Variants in ACACA observed in about 807,000 individuals in gnomAD.
The protein encoded by ACACA is acetyl-CoA carboxylase alpha.
A neutral mutation model predicts 296.1 loss-of-function variants in ACACA; 103 were observed. The observed-to-expected ratio is 0.35, with a 90% confidence interval of 0.30 to 0.41. The LOEUF (loss-of-function observed/expected upper bound fraction) is 0.41. Among genes scored for constraint, ACACA ranks in the 10% least tolerant of loss-of-function variants. The pLI is 1.00. For synonymous variants in ACACA, 953 were observed against 1,038.6 expected, an observed-to-expected ratio of 0.92 and a Z score of 1.58; for missense variants, 1,554 against 2,989.7, an observed-to-expected ratio of 0.52 and a Z score of 11.20.
At position 37,284,964 on chromosome 17, in the gene ACACA, G is replaced by A; in HGVS notation, c.345C>T (p.Ser115=). Residue 115 remains serine, a synonymous_variant, in exon 4 of 56, where the codon AGC becomes AGT. Transcript: ENST00000616317. The stretch of plus-strand genomic sequence containing the variant: ...GCTTTACTAGGTGCAAGCCAGACAT[G>A]CTGGACCTATAAAAATACAGAAGCC... ...QDGLALHIRS[S]MSGLHLVKQG... 1 of 1,614,068 alleles carries A rather than the reference G, an allele frequency of 6.2e-7. No individual in the cohort carries two copies. The highest frequency in any genetic ancestry group is 2.2e-5 in the East Asian group (1 of 44,872).
intron 14 of ACACA, among the ~76,000 whole-genome samples, chr17:37,257,238 T>A (rs1391135117): frequency 6.6e-6 from 1 of 152,168 alleles, no homozygotes; most frequent in Non-Finnish European, 1.5e-5. Context: ...TTTAAATAAC[T>A]ATAAGAGTAC....
intron 52 of ACACA, among the ~76,000 whole-genome samples, chr17:37,100,126 G>A (rs528686044): frequency 2.0e-5 from 3 of 152,212 alleles, no homozygotes; most frequent in Non-Finnish European, 2.9e-5. Context: ...TAAGTGTAGC[G>A]GAAATGATGG....
chr17:37,221,111 G>A (rs1345271774), intron 29 of ACACA, among the ~76,000 whole-genome samples: 1 of 151,978 alleles, frequency 6.6e-6, no homozygotes, highest in African/African-American at 2.4e-5. Context: ...AAGCAATTCT[G>A]AAACAAAAAC....
At chr17:37,300,522 G>T (rs1326105261) in intron 3 of ACACA, among the ~76,000 whole-genome samples, 4 of 152,152 alleles carry the variant, frequency 2.6e-5, no homozygotes, top group Non-Finnish European at 1.5e-5. Context: ...ATGCTGGATA[G>T]AAATAGTTAA....
intron 45 of ACACA, among the ~76,000 whole-genome samples, chr17:37,135,852 C>T (rs987331008): frequency 6.6e-6 from 1 of 152,118 alleles, no homozygotes; most frequent in East Asian, 1.9e-4. Context: ...GGGGGACCCA[C>T]CAACTGCTCA....
At chr17:37,264,144 A>T (rs1014412926) in intron 10 of ACACA, among the ~76,000 whole-genome samples, 5 of 152,220 alleles carry the variant, frequency 3.3e-5, no homozygotes, top group Non-Finnish European at 7.3e-5. Flanking sequence ...GTGCATCACA[A>T]AGGTAAACAA....
At chr17:37,264,548 A>G (rs538149060) in intron 10 of ACACA, among the ~76,000 whole-genome samples, 2 of 152,222 alleles carry the variant, frequency 1.3e-5, no homozygotes, top group African/African-American at 4.8e-5. Flanking sequence ...TTACTCTGAT[A>G]AGCATAGATG....
intron 54 of ACACA, among the ~76,000 whole-genome samples, chr17:37,093,098 G>C (rs1267326037): frequency 6.6e-6 from 1 of 152,162 alleles, no homozygotes; most frequent in Non-Finnish European, 1.5e-5. Flanking sequence ...GCCTGGCCCT[G>C]TGTGAGAAGT....
At chr17:37,390,203 ATAATTATATATT>A (rs2050751054) in intron 1 of ACACA, among the ~76,000 whole-genome samples, 1 of 83,968 alleles carries the variant, frequency 1.2e-5, no homozygotes, top group East Asian at 3.1e-4. Context: ...ATAAATATAT[ATAATTATATATT>A]TATTATATAT....
intron 3 of ACACA, among the ~76,000 whole-genome samples, chr17:37,324,472 C>G (rs2047501692): frequency 6.6e-6 from 1 of 151,412 alleles, no homozygotes; most frequent in African/African-American, 2.4e-5. Flanking sequence ...GAGTTTGAGA[C>G]CAGCCTGACC....
At chr17:37,164,903 T>C (rs4299194) in intron 41 of ACACA, among the ~76,000 whole-genome samples, 39,337 of 152,014 alleles carry the variant, frequency 0.26, 5,790 homozygotes, top group African/African-American at 0.37. Flanking sequence ...GTAAACATTG[T>C]GACCATGTGG....
chr17:37,238,513 T>C (rs2080230986), intron 24 of ACACA, among the ~76,000 whole-genome samples: 1 of 152,170 alleles, frequency 6.6e-6, no homozygotes, highest in African/African-American at 2.4e-5. Flanking sequence ...TCTTGATATC[T>C]GATTAGGCAA....
chr17:37,108,803 AT>A (rs2073833503), intron 52 of ACACA, among the ~76,000 whole-genome samples: 2 of 152,350 alleles, frequency 1.3e-5, no homozygotes, highest in East Asian at 3.9e-4. Flanking sequence ...ACAAGATAAC[AT>A]CCACTCCTAC....
At chr17:37,243,665 ACC>A in intron 21 of ACACA, 106 bp from the exon 22 acceptor site, 2 of 1,175,266 alleles carry the variant, frequency 1.7e-6, no homozygotes, top group Non-Finnish European at 2.5e-6. Context: ...TTCCAGAACC[ACC>A]ACTCATATAT....
chr17:37,113,806 G>C lies in ACACA; in HGVS notation c.6275-541C>G, dbSNP rs1012032355. ...TATCCCTGCCCAGTGCCTGAACATA[G>C]TTAGTGCTCAACAAATATCTGCTGA... is the stretch of plus-strand genomic sequence containing the variant. On this transcript the variant is annotated intron_variant, in intron 50 of 55. Transcript: ENST00000616317. The surrounding 1 kb of genome is among the most constrained non-coding windows in gnomAD (Gnocchi z 4.0). Among the ~76,000 whole-genome samples the C allele has an allele frequency of 6.6e-6, 1 of 152,166 alleles. No homozygotes were observed. The highest frequency in any genetic ancestry group is 2.4e-5 in the African/African-American group (1 of 41,422).
chr17:37,325,988 G>A (rs1158261972), intron 3 of ACACA, among the ~76,000 whole-genome samples: 2 of 150,892 alleles, frequency 1.3e-5, no homozygotes, highest in Non-Finnish European at 1.5e-5. Context: ...CAGGTGGATT[G>A]CCTGAGATCA....
chr17:37,201,593 GTT>G (rs74723722), intron 33 of ACACA, among the ~76,000 whole-genome samples: 18,827 of 151,936 alleles, frequency 0.12, 1,765 homozygotes, highest in East Asian at 0.44. Context: ...AAAGACATGT[GTT>G]TAGAGGTCCC....
intron 18 of ACACA, chr17:37,247,798 A>G: frequency 1.6e-6 from 1 of 608,172 alleles, no homozygotes. Context: ...CTTATTTTTC[A>G]TTGTCCACAT....
chr17:37,330,438 T>A lies in ACACA; in HGVS notation c.86-13A>T, dbSNP rs577148216. On this transcript the variant is annotated splice_polypyrimidine_tract_variant and intron_variant, in intron 2 of 55. Transcript: ENST00000616317. ...TGAGCTCTTACAGCTATGGAGAAAA[T>A]GAAAAGTGAGAAAGGCAGGTTATGA... The A allele has an allele frequency of 5.6e-6, 9 of 1,613,938 alleles. No individual in the cohort carries two copies. The highest frequency in any genetic ancestry group is 7.6e-6 in the Non-Finnish European group (9 of 1,180,014).
Sources: allele counts gnomAD v4.1 joint callset (sites outside exome capture counted in the v4.1 genomes callset), GRCh38; gene constraint gnomAD v4.1.1; non-coding constraint Gnocchi (gnomAD v3.1); transcripts MANE v1.5; gene names NCBI Gene and HGNC (gene_info 2026-07-23, HGNC 2026-07-21).